Variants in ATP2B1 observed in about 807,000 individuals in gnomAD.
ATP2B1 encodes the protein ATPase plasma membrane Ca2+ transporting 1, also known as plasma membrane calcium-transporting ATPase 1.
ATP2B1 carries 14 observed loss-of-function variants against 124.2 expected under a neutral mutation model. The observed-to-expected ratio is 0.11, with a 90% CI of 0.07 to 0.18. ATP2B1 has a LOEUF of 0.18. Among genes scored for constraint, ATP2B1 ranks in the 10% least tolerant of loss-of-function variants. ATP2B1 has a pLI of 1.00. For missense variants in ATP2B1, 763 were observed against 1,466.1 expected, an observed-to-expected ratio of 0.52 and a Z score of 7.83; for synonymous variants, 449 against 492.4, an observed-to-expected ratio of 0.91 and a Z score of 1.17.
At position 89,638,660 on chromosome 12, in the gene ATP2B1, G is replaced by A. The variant is rs551315777; in HGVS notation, c.407-3409C>T. ...CATTTTTCATCAAAATGCTATCTAT[G>A]TGAATATACAATAGATTATTATTTA... On this transcript the variant is annotated intron_variant, in intron 3 of 20. Transcript: ENST00000428670. Among the ~76,000 whole-genome samples the A allele has an allele frequency of 3.3e-5, 5 of 152,176 alleles. No individual in the cohort carries two copies. The East Asian group carries it at 9.6e-4, about 29-fold the overall frequency.
At chr12:89,638,895 T>C (rs1279212372) in intron 3 of ATP2B1, among the ~76,000 whole-genome samples, 4 of 152,178 alleles carry the variant, frequency 2.6e-5, no homozygotes, top group East Asian at 1.9e-4. Context: ...ATTTAGAATA[T>C]ACTAAATATT....
chr12:89,631,973 C>T (rs1881943528), intron 5 of ATP2B1, among the ~76,000 whole-genome samples: 1 of 152,086 alleles, frequency 6.6e-6, no homozygotes, highest in South Asian at 2.1e-4. Flanking sequence ...AAGATTCAGT[C>T]CAGCTCTGTC....
At chr12:89,598,888 G>C in intron 20 of ATP2B1, 3 of 1,104,970 alleles carry the variant, frequency 2.7e-6, no homozygotes, top group Non-Finnish European at 3.9e-6. Flanking sequence ...GAGATGAAGT[G>C]GGGGATGGGG....
chr12:89,708,472 CCGCTG>C, intron 1 of ATP2B1, 119 bp downstream of exon 1: 1 of 152,410 alleles, frequency 6.6e-6, no homozygotes, highest in South Asian at 2.1e-4. Flanking sequence ...CCGGCGCAAC[CCGCTG>C]CGCACCCAGC....
At chr12:89,700,544 T>C (rs754311973) in intron 1 of ATP2B1, among the ~76,000 whole-genome samples, 1 of 152,134 alleles carries the variant, frequency 6.6e-6, no homozygotes, top group Non-Finnish European at 1.5e-5. Flanking sequence ...GTATTAGAGG[T>C]ACTAAAAAAA....
intron 1 of ATP2B1, among the ~76,000 whole-genome samples, chr12:89,688,470 C>G (rs1279366779): frequency 1.3e-5 from 2 of 152,044 alleles, no homozygotes; most frequent in Non-Finnish European, 2.9e-5. Flanking sequence ...ACTATTTTAT[C>G]CTAAGTCTTG....
At chr12:89,688,891 T>C (rs945691021) in intron 1 of ATP2B1, among the ~76,000 whole-genome samples, 1 of 152,112 alleles carries the variant, frequency 6.6e-6, no homozygotes, top group African/African-American at 2.4e-5. Flanking sequence ...AAATATTGGT[T>C]TTGCCATCCG....
upstream of ATP2B1, chr12:89,708,975 C>T (rs1593047206): frequency 6.6e-6 from 1 of 151,454 alleles, no homozygotes; most frequent in African/African-American, 2.4e-5. Flanking sequence ...ACACAGGGCG[C>T]GCCGCGCTCG....
At chr12:89,677,963 T>TACACAC (rs1440059453) in intron 1 of ATP2B1, among the ~76,000 whole-genome samples, 23 of 100,888 alleles carry the variant, frequency 2.3e-4, no homozygotes, top group East Asian at 1.1e-3. Context: ...ATTATATATA[T>TACACAC]ATATATATAC....
intron 2 of ATP2B1, among the ~76,000 whole-genome samples, chr12:89,652,435 GAACTAAAGGGACAGGTAAGAC>G (rs1885380274): frequency 6.6e-6 from 1 of 152,158 alleles, no homozygotes; most frequent in African/African-American, 2.4e-5. Flanking sequence ...ATAAATGAAT[GAACTAAAGGGACAGGTAAGAC>G]AACTTCAGTT....
intron 20 of ATP2B1, chr12:89,593,387 C>T (rs1298893081): frequency 6.6e-6 from 1 of 152,014 alleles, no homozygotes; most frequent in African/African-American, 2.4e-5. Context: ...GAGAACTGTT[C>T]AAGACAACCC....
At chr12:89,681,122 G>A (rs1331910019) in intron 1 of ATP2B1, among the ~76,000 whole-genome samples, 1 of 152,026 alleles carries the variant, frequency 6.6e-6, no homozygotes, top group East Asian at 1.9e-4. Context: ...GTTAATCGTA[G>A]GACTAAAACT....
intron 1 of ATP2B1, among the ~76,000 whole-genome samples, chr12:89,684,230 GGACT>G (rs1889701186): frequency 6.6e-6 from 1 of 152,182 alleles, no homozygotes; most frequent in Non-Finnish European, 1.5e-5. Flanking sequence ...GAAAAGGAAA[GGACT>G]GACTGTACAT....
At chr12:89,656,572 T>C (rs1018046195) in intron 1 of ATP2B1, among the ~76,000 whole-genome samples, 8 of 152,214 alleles carry the variant, frequency 5.3e-5, no homozygotes, top group Non-Finnish European at 1.0e-4. Context: ...AAGTTCCTTT[T>C]AACATTATAC....
At chr12:89,705,549 C>T (rs1046008878) in intron 1 of ATP2B1, among the ~76,000 whole-genome samples, 2 of 152,124 alleles carry the variant, frequency 1.3e-5, no homozygotes, top group East Asian at 1.9e-4. Context: ...TATAAGTGGC[C>T]GTTCCTTTTA....
chr12:89,636,197 A>G (rs1013766151), intron 3 of ATP2B1, among the ~76,000 whole-genome samples: 1 of 151,950 alleles, frequency 6.6e-6, no homozygotes, highest in Admixed American at 6.6e-5. Context: ...GGCAGAATAG[A>G]GATCAGAAAA....
At chr12:89,677,471 GGAA>G (rs1026505431) in intron 1 of ATP2B1, among the ~76,000 whole-genome samples, 9 of 151,962 alleles carry the variant, frequency 5.9e-5, no homozygotes, top group Non-Finnish European at 1.2e-4. Context: ...CACTTTAAAT[GGAA>G]GAACACAAGA....
At position 89,645,309 on chromosome 12, in the gene ATP2B1, T is replaced by G. The variant is rs564652260; in HGVS notation, c.209-2954A>C. Among the ~76,000 whole-genome samples the G allele has an allele frequency of 7.5e-4, 115 of 152,342 alleles. 1 individual carries two copies. Among genetic ancestry groups the G allele is most frequent in the African/African-American group, 2.7e-3 (111 of 41,582 alleles). On this transcript the variant is annotated intron_variant, in intron 2 of 20. Transcript: ENST00000428670. ...TTTCTATTAATAAACTTACACAATC[T>G]AAATATAATAAAACGAACAGTTTTG...
chr12:89,644,889 C>G (rs567970438), intron 2 of ATP2B1, among the ~76,000 whole-genome samples: 1 of 152,160 alleles, frequency 6.6e-6, no homozygotes. Context: ...CTGAAAAGAA[C>G]AGCCACAGAG....
Sources: allele counts gnomAD v4.1 joint callset (sites outside exome capture counted in the v4.1 genomes callset), GRCh38; gene constraint gnomAD v4.1.1; transcripts MANE v1.5; gene names NCBI Gene and HGNC (gene_info 2026-07-23, HGNC 2026-07-21).